The following COG6 variants were observed in gnomAD, a reference collection of about 807,000 sequenced individuals.
COG6 encodes conserved oligomeric Golgi complex subunit 6.
COG6 carries 74 observed loss-of-function variants against 88.8 expected under a neutral mutation model. The ratio of observed to expected loss-of-function variants is 0.83; its 90% CI spans 0.69 to 1.01. The LOEUF (loss-of-function observed/expected upper bound fraction) is 1.01, where lower values mean the gene tolerates loss of function less well. Ranked by LOEUF, COG6 falls within the 50% of genes least tolerant of loss-of-function variation. The pLI, the probability that COG6 is intolerant of heterozygous loss-of-function variation, is 0.00. For missense variants in COG6, 800 were observed against 797.9 expected (o/e 1.00, Z -0.03); for synonymous variants, 286 against 278.7 (o/e 1.03, Z -0.26).
intron 18 of COG6, among the ~76,000 whole-genome samples, chr13:39,748,688 CCTTCCCTTTCAGCAG>C (rs962125985): frequency 6.6e-6 from 1 of 152,044 alleles, no homozygotes; most frequent in Admixed American, 6.6e-5. Context: ...TACCATCATC[CCTTCCCTTTCAGCAG>C]AAAGGTAGTA....
downstream of COG6, among the ~76,000 whole-genome samples, chr13:39,752,805 T>C (rs956354568): frequency 1.3e-5 from 2 of 152,148 alleles, no homozygotes; most frequent in African/African-American, 4.8e-5. Flanking sequence ...AATAAAACAT[T>C]GTAAGTAATA....
At chr13:39,692,248 C>T (rs1227603440) in intron 11 of COG6, among the ~76,000 whole-genome samples, 2 of 151,954 alleles carry the variant, frequency 1.3e-5, no homozygotes, top group African/African-American at 4.8e-5. Flanking sequence ...TATTCCAAAA[C>T]TGTAGCTAGA....
rs991074090 is a variant in COG6 at position 39,719,652 on chromosome 13, A to C, written c.1417-8A>C. On this transcript the variant is annotated splice_polypyrimidine_tract_variant and splice_region_variant and intron_variant, in intron 14 of 18. Transcript: ENST00000455146. Reference sequence around the variant, plus strand: ...AAATAAAGAGTTCATTTTATTTTTCATTTGTAGGTTTTATCATGTGTCTTG... The same window carrying C: ...AAATAAAGAGTTCATTTTATTTTTCCTTTGTAGGTTTTATCATGTGTCTTG... The C allele has an allele frequency of 1.9e-6, 3 of 1,609,878 alleles. No individual in the cohort carries two copies. The highest frequency in any genetic ancestry group is 2.5e-6 in the Non-Finnish European group (3 of 1,176,882).
intron 11 of COG6, among the ~76,000 whole-genome samples, chr13:39,693,963 A>G (rs1877120121): frequency 6.6e-6 from 1 of 152,032 alleles, no homozygotes; most frequent in African/African-American, 2.4e-5. Flanking sequence ...CAGATACAAT[A>G]TTTAAGTAAG....
intron 18 of COG6, among the ~76,000 whole-genome samples, chr13:39,729,362 T>TG (rs1879313242): frequency 6.6e-6 from 1 of 152,184 alleles, no homozygotes; most frequent in South Asian, 2.1e-4. Flanking sequence ...CCAAAACCAC[T>TG]GGGAGCTGCT....
Position 39,751,342 on chromosome 13 carries a change from A to G in COG6, c.*249A>G, listed in dbSNP as rs1880620773. On this transcript the variant is annotated 3_prime_UTR_variant, in exon 19 of 19. Transcript: ENST00000455146. ...CTATTTTTTTGCTAGCCATCTCTCC[A>G]GCTCTGCAGTTTTCACTGTATTCAG... The G allele has an allele frequency of 1.4e-6, 2 of 1,446,286 alleles. No individual in the cohort carries two copies. Among genetic ancestry groups the G allele is most frequent in the South Asian group, 1.2e-5 (1 of 82,190 alleles). The allele number at this position is 1,446,286 out of a possible 1,614,324, so 89.6% of individuals were successfully genotyped here.
chr13:39,658,346 A>G (rs746360750), intron 1 of COG6, among the ~76,000 whole-genome samples: 15 of 151,768 alleles, frequency 9.9e-5, no homozygotes, highest in Non-Finnish European at 2.2e-4. Context: ...GGGTCTTACT[A>G]TGTTATGCAG....
Position 39,727,590 on chromosome 13 carries a change from A to G in COG6, c.1826+42A>G, listed in dbSNP as rs373529320. On this transcript the variant is annotated intron_variant, in intron 18 of 18. Transcript: ENST00000455146. ...CCAAGTAGTTGGTAAAGATTCACAT[A>G]TTTTTAAATATCAAGTACATTTTTT... 3.7e-5 allele frequency: 49 copies of G among 1,327,656 alleles called. 1 individual carries two copies. In the African/African-American group the frequency reaches 4.3e-4, roughly 12 times the overall value. 82.2% of individuals were successfully genotyped at this position (1,327,656 alleles called of 1,614,324 possible).
At chr13:39,658,700 A>C (rs1593402334) in intron 1 of COG6, among the ~76,000 whole-genome samples, 1 of 152,158 alleles carries the variant, frequency 6.6e-6, no homozygotes, top group African/African-American at 2.4e-5. Flanking sequence ...CTTTGTACTC[A>C]TTGTTTGCTC....
chr13:39,775,927 G>C (rs866485622), intron 18 of COG6, among the ~76,000 whole-genome samples: 1 of 151,972 alleles, frequency 6.6e-6, no homozygotes, highest in African/African-American at 2.4e-5. Context: ...GTGCCACCAC[G>C]CCTGGCTAAT....
Position 39,659,419 on chromosome 13 carries a change from G to A in COG6, c.209G>A (p.Arg70Gln), listed in dbSNP as rs769263578. ...ACCTTTTTTGTTGAAAATAGTCTGCGGACTCGAAGAAATTTACGTGGAGAT... is the reference window on the plus strand; with the variant it reads ...ACCTTTTTTGTTGAAAATAGTCTGCAGACTCGAAGAAATTTACGTGGAGAT... ...LSTFFVENSL[R>Q]TRRNLRGDIE... The change falls in exon 2 of 19, where the codon CGG (arginine) becomes CAG (glutamine). Residue 70 changes from arginine (R) to glutamine (Q), a missense_variant. Arg to Gln is a conservative substitution (Grantham distance 43). Coordinates refer to ENST00000455146, the MANE Select transcript of COG6 (RefSeq NM_020751.3). 39 of 1,613,450 alleles carry A rather than the reference G, an allele frequency of 2.4e-5. No homozygotes were observed. The Middle Eastern group carries it at 8.3e-4, about 34-fold the overall frequency.
intron 11 of COG6, among the ~76,000 whole-genome samples, chr13:39,690,889 T>C (rs1278270745): frequency 2.0e-5 from 3 of 151,948 alleles, no homozygotes; most frequent in Admixed American, 6.6e-5. Flanking sequence ...ATATAACTTA[T>C]ATAAATGTTG....
intron 12 of COG6, among the ~76,000 whole-genome samples, 177 bp from the exon 13 acceptor site, chr13:39,699,324 A>C: frequency 6.6e-6 from 1 of 151,830 alleles, no homozygotes; most frequent in East Asian, 1.9e-4. Flanking sequence ...CCTAACTCAA[A>C]AGAAAAACAA....
Position 39,656,176 on chromosome 13 carries a change from CA to C in COG6, c.153+300del, listed in dbSNP as rs570975457. The C allele has an allele frequency of 4.4e-3, 2,511 of 565,576 alleles. 16 individuals are homozygous for C. The highest frequency in any genetic ancestry group is 6.2e-3 in the Non-Finnish European group (1,849 of 298,420). The allele number at this position is 565,576 out of a possible 1,614,324, so 35.0% of individuals were successfully genotyped here. A position where few individuals can be genotyped will look rare whatever the true frequency, so the allele number is the denominator to read the frequency against. On this transcript the variant is annotated intron_variant, in intron 1 of 18. Transcript: ENST00000455146. ...CGGTGGTGCCTCGAGAAGTGTCCTC[CA>C]AACACCCCTGGAGGCGTTTGGCTGT... is the stretch of plus-strand genomic sequence containing the variant.
At chr13:39,745,971 A>G (rs551405597) in intron 18 of COG6, among the ~76,000 whole-genome samples, 4 of 152,036 alleles carry the variant, frequency 2.6e-5, no homozygotes, top group African/African-American at 4.8e-5. Flanking sequence ...TTCTAAGCAC[A>G]CTGTCCCAAG....
At chr13:39,749,049 T>C (rs7329513) in intron 18 of COG6, among the ~76,000 whole-genome samples, 39,304 of 152,078 alleles carry the variant, frequency 0.26, 5,120 homozygotes, top group African/African-American at 0.27. Flanking sequence ...CTTCATGACA[T>C]TGACCTGTGT....
At chr13:39,701,020 A>G (rs563587257) in intron 13 of COG6, among the ~76,000 whole-genome samples, 2 of 151,920 alleles carry the variant, frequency 1.3e-5, no homozygotes, top group African/African-American at 2.4e-5. Flanking sequence ...ATCACTTGTA[A>G]AGTGATGTGT....
intron 3 of COG6, among the ~76,000 whole-genome samples, chr13:39,664,762 C>T (rs4514547): frequency 0.66 from 100,569 of 152,120 alleles, 33,470 homozygotes; most frequent in Admixed American, 0.77. Flanking sequence ...CAGTTCAACA[C>T]GTCCATACCT....
At chr13:39,790,634 T>C (rs557621516) in exon 19 of COG6, 13 of 152,224 alleles carry the variant, frequency 8.5e-5, no homozygotes, top group African/African-American at 2.9e-4. Flanking sequence ...TTAAAAAATA[T>C]TGTTTGTATT....
Sources: gnomAD v4.1 joint callset for allele counts (sites outside exome capture counted in the v4.1 genomes callset) on GRCh38, gnomAD v4.1.1 for gene constraint, MANE v1.5 for transcripts, NCBI Gene and HGNC (gene_info 2026-07-23, HGNC 2026-07-21) for gene names.